The following LRRIQ3 variants were observed in gnomAD, a reference collection of about 807,000 sequenced individuals.
The protein encoded by LRRIQ3 is leucine rich repeats and IQ motif containing 3, also known as leucine-rich repeat and IQ domain-containing protein 3.
A neutral mutation model predicts 59.3 loss-of-function variants in LRRIQ3; 75 were observed. The ratio of observed to expected loss-of-function variants is 1.26; its 90% CI spans 1.05 to 1.53. The LOEUF is 1.53. LRRIQ3 is among the 40% of genes most tolerant of loss of function. The pLI, the probability that LRRIQ3 is intolerant of heterozygous loss-of-function variation, is 0.00. For synonymous variants in LRRIQ3, 250 were observed against 231.3 expected, an observed-to-expected ratio of 1.08 and a Z score of -0.73; for missense variants, 831 against 710.0, an observed-to-expected ratio of 1.17 and a Z score of -1.94.
chr1:74,064,229 A>G (rs1325385343), intron 6 of LRRIQ3, among the ~76,000 whole-genome samples: 6 of 151,876 alleles, frequency 4.0e-5, no homozygotes, highest in East Asian at 3.9e-4. Context: ...GCTTGTTATT[A>G]TCTTTTTTAT....
At chr1:74,127,267 C>A (rs946615346) in intron 4 of LRRIQ3, among the ~76,000 whole-genome samples, 3 of 151,822 alleles carry the variant, frequency 2.0e-5, no homozygotes, top group African/African-American at 7.2e-5. Flanking sequence ...TTACTGGTAA[C>A]CAATCATTGA....
chr1:74,092,980 A>G lies in LRRIQ3; in HGVS notation c.867+16414T>C, dbSNP rs544640493. Among the ~76,000 whole-genome samples the G allele has an allele frequency of 7.2e-5, 11 of 152,250 alleles. No homozygotes were observed. In the South Asian group the frequency reaches 2.3e-3, roughly 32 times the overall value. On this transcript the variant is annotated intron_variant, in intron 5 of 7. Coordinates refer to ENST00000354431, the MANE Select transcript of LRRIQ3 (RefSeq NM_001105659.2). ...TAATTTGGAAGAGAGGAAAATGAGT[A>G]GAGAACAAAAACCAGTAAGTGAAAG...
chr1:74,173,728 AAATAAT>A (rs1313722043), intron 3 of LRRIQ3, among the ~76,000 whole-genome samples: 3 of 152,056 alleles, frequency 2.0e-5, no homozygotes, highest in Middle Eastern at 3.2e-3. Flanking sequence ...AAACAATAAA[AAATAAT>A]AATAATAAAA....
At chr1:74,108,854 T>C in intron 5 of LRRIQ3, 1 of 367,550 alleles carries the variant, frequency 2.7e-6, no homozygotes, top group South Asian at 2.1e-5. Flanking sequence ...CTCTTAGTTT[T>C]CATATTGGTC....
chr1:74,168,667 T>C (rs1233177567), intron 3 of LRRIQ3, among the ~76,000 whole-genome samples: 1 of 152,054 alleles, frequency 6.6e-6, no homozygotes, highest in Non-Finnish European at 1.5e-5. Context: ...TTTTCTTTCA[T>C]TGTTTTCTTC....
At chr1:74,032,093 A>T (rs966869906) in intron 7 of LRRIQ3, among the ~76,000 whole-genome samples, 6 of 151,954 alleles carry the variant, frequency 3.9e-5, no homozygotes, top group Admixed American at 3.3e-4. Flanking sequence ...TTAATATGCC[A>T]AGAGCCTCTA....
chr1:74,035,718 G>C (rs556735239), intron 7 of LRRIQ3, among the ~76,000 whole-genome samples: 31 of 152,088 alleles, frequency 2.0e-4, no homozygotes, highest in Non-Finnish European at 4.3e-4. Context: ...ACTGTCTACT[G>C]AGACTTAGAG....
chr1:74,117,830 A>T (rs1007488870), intron 4 of LRRIQ3, among the ~76,000 whole-genome samples: 9 of 152,164 alleles, frequency 5.9e-5, no homozygotes, highest in Admixed American at 3.3e-4. Context: ...TAATAAAAAT[A>T]TAATTCTATA....
chr1:74,084,804 A>G (rs1439386537), intron 5 of LRRIQ3, among the ~76,000 whole-genome samples: 1 of 151,770 alleles, frequency 6.6e-6, no homozygotes, highest in Non-Finnish European at 1.5e-5. Context: ...ATAACCCTTA[A>G]GAATCTACTA....
At chr1:74,137,930 C>G (rs749205600) in intron 4 of LRRIQ3, among the ~76,000 whole-genome samples, 18 of 138,750 alleles carry the variant, frequency 1.3e-4, no homozygotes, top group Non-Finnish European at 2.5e-4. Flanking sequence ...CATCACACAC[C>G]GGGGCCTGTC....
intron 5 of LRRIQ3, among the ~76,000 whole-genome samples, chr1:74,080,340 T>C (rs1362302131): frequency 6.6e-6 from 1 of 151,838 alleles, no homozygotes; most frequent in South Asian, 2.1e-4. Flanking sequence ...TGGAATAGAT[T>C]ATCTGAGGAG....
At chr1:74,069,367 T>C (rs1654956921) in intron 6 of LRRIQ3, among the ~76,000 whole-genome samples, 1 of 152,032 alleles carries the variant, frequency 6.6e-6, no homozygotes, top group African/African-American at 2.4e-5. Flanking sequence ...AAGAAATTTG[T>C]ATGTTAATTT....
chr1:74,092,644 G>GA (rs752490011), intron 5 of LRRIQ3, among the ~76,000 whole-genome samples: 10 of 150,864 alleles, frequency 6.6e-5, no homozygotes, highest in African/African-American at 1.2e-4. Context: ...TCTTTTGAGA[G>GA]AAAAAAAAAT....
chr1:74,087,519 T>G (rs924715647), intron 5 of LRRIQ3, among the ~76,000 whole-genome samples: 6 of 151,098 alleles, frequency 4.0e-5, no homozygotes, highest in African/African-American at 1.5e-4. Context: ...TCTAAAATGC[T>G]ATTTCATAAA....
intron 3 of LRRIQ3, among the ~76,000 whole-genome samples, chr1:74,159,463 T>G (rs1474701464): frequency 6.6e-6 from 1 of 152,140 alleles, no homozygotes; most frequent in African/African-American, 2.4e-5. Flanking sequence ...GACTTAACAA[T>G]GTCAATCAAT....
chr1:74,193,948 T>A (rs1290337455), intron 1 of LRRIQ3, among the ~76,000 whole-genome samples: 1 of 152,204 alleles, frequency 6.6e-6, no homozygotes, highest in Non-Finnish European at 1.5e-5. Flanking sequence ...GATTACAAAC[T>A]ATTTTTAGTT....
Position 74,066,393 on chromosome 1 carries a change from C to T in LRRIQ3, c.997+8268G>A, listed in dbSNP as rs559332936. Reference sequence around the variant, plus strand: ...TACTTAGTAATCCCCTATGGGCTTCCATTTCTTATCTATTTTCTTTCTAAA... The same window carrying T: ...TACTTAGTAATCCCCTATGGGCTTCTATTTCTTATCTATTTTCTTTCTAAA... On this transcript the variant is annotated intron_variant, in intron 6 of 7. Transcript: ENST00000354431. 1.6e-3 allele frequency among the ~76,000 whole-genome samples: 247 copies of T among 151,946 alleles called. 1 individual carries two copies. Among genetic ancestry groups the T allele is most frequent in the Non-Finnish European group, 2.7e-3 (181 of 67,946 alleles).
chr1:74,120,129 T>C (rs1021707087), intron 4 of LRRIQ3, among the ~76,000 whole-genome samples: 7 of 151,834 alleles, frequency 4.6e-5, no homozygotes, highest in African/African-American at 1.7e-4. Context: ...ATGTTGTTTT[T>C]TTTTTTTGAC....
chr1:74,100,010 C>T lies in LRRIQ3; in HGVS notation c.867+9384G>A, dbSNP rs562330378. On this transcript the variant is annotated intron_variant, in intron 5 of 7. Coordinates refer to ENST00000354431, the MANE Select transcript of LRRIQ3 (RefSeq NM_001105659.2). ...GAAAACTGGCACAAGACAGGGATGC[C>T]CTCTCTCACCACTCCTATTCAACAT... Among the ~76,000 whole-genome samples the T allele has an allele frequency of 9.3e-4, 142 of 152,168 alleles. 1 individual carries two copies. The highest frequency in any genetic ancestry group is 3.1e-3 in the African/African-American group (130 of 41,524).
Sources: allele counts gnomAD v4.1 joint callset (sites outside exome capture counted in the v4.1 genomes callset), GRCh38; gene constraint gnomAD v4.1.1; transcripts MANE v1.5; gene names NCBI Gene and HGNC (gene_info 2026-07-23, HGNC 2026-07-21).